The following TMEM135 variants were observed in gnomAD, a reference collection of about 807,000 sequenced individuals.
TMEM135 encodes transmembrane protein 135.
Under a neutral mutation model 60.3 loss-of-function variants are expected in TMEM135, and 30 were observed. The observed-to-expected ratio is 0.50, with a 90% CI of 0.37 to 0.68. The LOEUF is 0.68. Among genes scored for constraint, TMEM135 ranks in the 30% least tolerant of loss-of-function variants. TMEM135 has a pLI of 0.00. For synonymous variants in TMEM135, 190 were observed against 186.7 expected, an observed-to-expected ratio of 1.02 and a Z score of -0.14; for missense variants, 468 against 548.8, an observed-to-expected ratio of 0.85 and a Z score of 1.47.
chr11:87,160,846 T>C (rs1371045729), intron 5 of TMEM135, among the ~76,000 whole-genome samples: 1 of 152,162 alleles, frequency 6.6e-6, no homozygotes, highest in African/African-American at 2.4e-5. Flanking sequence ...AAGGAGTAGC[T>C]GGACCTTTGT....
At chr11:87,257,739 A>G (rs1416938895) in intron 6 of TMEM135, among the ~76,000 whole-genome samples, 1 of 151,676 alleles carries the variant, frequency 6.6e-6, no homozygotes, top group African/African-American at 2.4e-5. Flanking sequence ...GGGAATGACT[A>G]TTAATGGGTA....
chr11:87,204,361 T>C (rs546746744), intron 5 of TMEM135, among the ~76,000 whole-genome samples: 4 of 152,290 alleles, frequency 2.6e-5, no homozygotes, highest in Admixed American at 2.6e-4. Context: ...TTCTTCCTAC[T>C]TCTTCCCTAG....
chr11:87,290,198 G>A (rs1351871900), intron 6 of TMEM135, among the ~76,000 whole-genome samples: 1 of 152,094 alleles, frequency 6.6e-6, no homozygotes, highest in African/African-American at 2.4e-5. Context: ...CAGCTCATTA[G>A]AGAGCACATA....
intron 5 of TMEM135, among the ~76,000 whole-genome samples, chr11:87,173,089 G>A (rs982887902): frequency 4.0e-5 from 6 of 151,890 alleles, no homozygotes; most frequent in African/African-American, 4.8e-5. Flanking sequence ...TTTTAATGTT[G>A]CATCTATTTT....
At chr11:87,144,014 TC>T (rs1938337310) in intron 4 of TMEM135, among the ~76,000 whole-genome samples, 1 of 152,202 alleles carries the variant, frequency 6.6e-6, no homozygotes. Flanking sequence ...TACATTGTTT[TC>T]TGTGAGACGA....
chr11:87,087,256 G>A (rs1021800434), intron 3 of TMEM135, among the ~76,000 whole-genome samples: 10 of 150,886 alleles, frequency 6.6e-5, no homozygotes, highest in African/African-American at 2.4e-4. Context: ...GGGTGCATGG[G>A]GCTTGGTTTG....
chr11:87,231,076 C>G (rs1359953760), intron 5 of TMEM135, among the ~76,000 whole-genome samples: 2 of 151,932 alleles, frequency 1.3e-5, no homozygotes, highest in Non-Finnish European at 2.9e-5. Context: ...CTACAGTTAC[C>G]CAAGCTTACT....
At position 87,192,042 on chromosome 11, in the gene TMEM135, C is replaced by T. The variant is rs567948105; in HGVS notation, c.462+34636C>T. 4.1e-4 allele frequency among the ~76,000 whole-genome samples: 52 copies of T among 127,632 alleles called. 1 individual carries two copies. The highest frequency in any genetic ancestry group is 1.4e-3 in the African/African-American group (47 of 32,794). The allele number at this position is 127,632 out of a possible 152,430, so 83.7% of individuals were successfully genotyped here. On this transcript the variant is annotated intron_variant, in intron 5 of 14. Transcript: ENST00000305494. The stretch of plus-strand genomic sequence containing the variant: ...CTTGCTCCAGGCTGGAGTGCAGTGG[C>T]GCGATCTGGGCTTACTGCAACCTCC...
At chr11:87,137,742 GCTTTT>G (rs1938143923) in intron 4 of TMEM135, among the ~76,000 whole-genome samples, 1 of 151,824 alleles carries the variant, frequency 6.6e-6, no homozygotes, top group African/African-American at 2.4e-5. Flanking sequence ...AAAACCTCAT[GCTTTT>G]CTTTTGTTAA....
intron 14 of TMEM135, 128 bp downstream of exon 14, chr11:87,319,505 T>C (rs890639644): frequency 1.4e-6 from 1 of 699,696 alleles, no homozygotes; most frequent in Non-Finnish European, 2.5e-6. Flanking sequence ...AAGAATAACA[T>C]GGGGCGTTTT....
chr11:87,264,332 T>C (rs1941710665), intron 6 of TMEM135, among the ~76,000 whole-genome samples: 1 of 151,624 alleles, frequency 6.6e-6, no homozygotes, highest in Non-Finnish European at 1.5e-5. Context: ...GTTGTTTGTT[T>C]TCTGCTTTTA....
intron 5 of TMEM135, among the ~76,000 whole-genome samples, chr11:87,166,855 G>T (rs964871439): frequency 2.0e-5 from 3 of 152,042 alleles, no homozygotes; most frequent in Non-Finnish European, 2.9e-5. Flanking sequence ...GTCAATGGTA[G>T]CTTGATGGGG....
At chr11:87,143,084 C>T (rs1289122001) in intron 4 of TMEM135, among the ~76,000 whole-genome samples, 3 of 152,026 alleles carry the variant, frequency 2.0e-5, no homozygotes, top group Non-Finnish European at 2.9e-5. Context: ...TCTCTGCCAT[C>T]TCAACTATTC....
chr11:87,086,831 T>C (rs919771770), intron 3 of TMEM135, among the ~76,000 whole-genome samples: 2 of 152,222 alleles, frequency 1.3e-5, no homozygotes, highest in African/African-American at 4.8e-5. Flanking sequence ...GGCTTTAAAC[T>C]ATCTTTGGCT....
In TMEM135 at chr11:87,322,325, A is replaced by G. The variant is rs1359883921; in HGVS notation, c.*992A>G. ...TGGATGTTTTGCACCTGAAAACACT[A>G]TAAAAATCCAGTGGTTGTTTAAAAA... On this transcript the variant is annotated 3_prime_UTR_variant, in exon 15 of 15. Coordinates refer to ENST00000305494, the MANE Select transcript of TMEM135 (RefSeq NM_022918.4). The G allele has an allele frequency of 4.4e-6, 2 of 453,964 alleles. No individual in the cohort carries two copies. Among genetic ancestry groups the G allele is most frequent in the Non-Finnish European group, 8.8e-6 (2 of 226,744 alleles). The allele number at this position is 453,964 out of a possible 1,614,324, so 28.1% of individuals were successfully genotyped here.
intron 3 of TMEM135, among the ~76,000 whole-genome samples, chr11:87,085,144 G>A (rs1857069180): frequency 6.6e-6 from 1 of 152,206 alleles, no homozygotes; most frequent in South Asian, 2.1e-4. Flanking sequence ...ATATAGTACA[G>A]TTATAAAGTT....
At chr11:87,096,214 C>T (rs1334099721) in intron 4 of TMEM135, 10 of 295,928 alleles carry the variant, frequency 3.4e-5, no homozygotes, top group East Asian at 9.3e-5. Flanking sequence ...ACAAATTCTT[C>T]GTCCTTATTG....
chr11:87,158,763 C>A (rs1166217228), intron 5 of TMEM135, among the ~76,000 whole-genome samples: 1 of 152,140 alleles, frequency 6.6e-6, no homozygotes, highest in Non-Finnish European at 1.5e-5. Context: ...CGCGCCCGGC[C>A]TAACCTTGGT....
intron 5 of TMEM135, among the ~76,000 whole-genome samples, chr11:87,235,615 A>G (rs757148663): frequency 6.6e-6 from 1 of 151,962 alleles, no homozygotes; most frequent in East Asian, 1.9e-4. Flanking sequence ...CCCTTTCACA[A>G]TAGAAAGAAG....
Sources: allele counts gnomAD v4.1 joint callset (sites outside exome capture counted in the v4.1 genomes callset), GRCh38; gene constraint gnomAD v4.1.1; transcripts MANE v1.5; gene names NCBI Gene and HGNC (gene_info 2026-07-23, HGNC 2026-07-21).